CHKA: variants seen among roughly 807,000 people sequenced by gnomAD.
The protein encoded by CHKA is CHETK-alpha.
CHKA carries 34 observed loss-of-function variants against 60.1 expected under a neutral mutation model. The observed-to-expected ratio is 0.57, with a 90% CI of 0.43 to 0.75. The LOEUF is 0.75. Ranked by LOEUF, CHKA falls within the 30% of genes least tolerant of loss-of-function variation. The probability of loss-of-function intolerance (pLI) is 0.00; values close to 1 mark genes in which losing one functional copy is unlikely to be tolerated. For synonymous variants in CHKA, 217 were observed against 223.1 expected, an observed-to-expected ratio of 0.97 and a Z score of 0.24; for missense variants, 563 against 561.3, an observed-to-expected ratio of 1.00 and a Z score of -0.03.
chr11:68,065,273 T>C (rs1307271438), intron 9 of CHKA, among the ~76,000 whole-genome samples: 4 of 152,214 alleles, frequency 2.6e-5, no homozygotes, highest in African/African-American at 9.6e-5. Context: ...ACAAAGCTCT[T>C]CTCTGAATAC....
chr11:68,099,963 T>C (rs1857648631), intron 1 of CHKA, among the ~76,000 whole-genome samples: 2 of 152,222 alleles, frequency 1.3e-5, no homozygotes, highest in South Asian at 2.1e-4. Context: ...TATTGTTCAA[T>C]AGGTTTTAGT....
At chr11:68,105,514 C>CAAA (rs1170085830) in intron 1 of CHKA, among the ~76,000 whole-genome samples, 30 of 64,938 alleles carry the variant, frequency 4.6e-4, no homozygotes, top group Non-Finnish European at 5.3e-4. Context: ...GACTCCATCT[C>CAAA]AAAAAAAAAA....
intron 1 of CHKA, 84 bp downstream of exon 1, chr11:68,120,744 C>T (rs1858603221): frequency 3.0e-6 from 1 of 336,800 alleles, no homozygotes; most frequent in African/African-American, 2.2e-5. Context: ...ACCCCCCCGG[C>T]CCACGCCCCC....
intron 1 of CHKA, among the ~76,000 whole-genome samples, chr11:68,106,644 C>T (rs1857925732): frequency 6.6e-6 from 1 of 152,042 alleles, no homozygotes; most frequent in African/African-American, 2.4e-5. Context: ...AGTCTGTTTT[C>T]ACACCATAAA....
intron 4 of CHKA, among the ~76,000 whole-genome samples, chr11:68,074,385 T>G (rs1856717708): frequency 6.6e-6 from 1 of 152,086 alleles, no homozygotes; most frequent in Non-Finnish European, 1.5e-5. Flanking sequence ...GGCCAAGGTG[T>G]TCTAGCAGCA....
rs188699496 is a variant in CHKA at position 68,108,598 on chromosome 11, G to C, written c.351-11468C>G. 2.4e-3 allele frequency among the ~76,000 whole-genome samples: 360 copies of C among 152,230 alleles called. 3 individuals are homozygous for C. Among genetic ancestry groups the C allele is most frequent in the Non-Finnish European group, 3.8e-3 (256 of 68,012 alleles). ...TCTCTACTAAAAATACAAAAAATTAGCCTGGCGTGGTGGCGGGCGCCTGTA... is the reference window on the plus strand; with the variant it reads ...TCTCTACTAAAAATACAAAAAATTACCCTGGCGTGGTGGCGGGCGCCTGTA... On this transcript the variant is annotated intron_variant, in intron 1 of 11. Coordinates refer to ENST00000265689, the MANE Select transcript of CHKA (RefSeq NM_001277.3).
At chr11:68,118,797 C>T (rs956665223) in intron 1 of CHKA, among the ~76,000 whole-genome samples, 10 of 152,262 alleles carry the variant, frequency 6.6e-5, no homozygotes, top group African/African-American at 2.4e-4. Context: ...AGAAACAAGA[C>T]ATCCTCAATG....
At position 68,065,913 on chromosome 11, in the gene CHKA, C is replaced by A; in HGVS notation, c.1017-19G>T. The stretch of plus-strand genomic sequence containing the variant: ...GAATCCCCTGAAATAAGACATAAGA[C>A]AGTGCACACAATGAGGCAAACCGTA... On this transcript the variant is annotated intron_variant, in intron 8 of 11. Coordinates refer to ENST00000265689, the MANE Select transcript of CHKA (RefSeq NM_001277.3). 6.5e-7 allele frequency: 1 copy of A among 1,548,180 alleles called. No individual in the cohort carries two copies. Among genetic ancestry groups the A allele is most frequent in the Non-Finnish European group, 8.9e-7 (1 of 1,124,628 alleles).
Position 68,070,253 on chromosome 11 carries a change from A to T in CHKA, c.805T>A (p.Ser269Thr). 6.2e-7 allele frequency: 1 copy of T among 1,614,044 alleles called. No homozygotes were observed. The highest frequency in any genetic ancestry group is 1.1e-5 in the South Asian group (1 of 91,076). The change falls in exon 6 of 12, where the codon TCC becomes ACC. Residue 269 changes from serine to threonine, a missense_variant. Coordinates refer to ENST00000265689, the MANE Select transcript of CHKA (RefSeq NM_001277.3). ...AATTTGTGGAGCTTTTTAATTCTGG[A>T]TTCCTCAGTAAATTTAATTCTCAGC... The part of the protein sequence containing the change: ...EVLRIKFTEE[S>T]RIKKLHKLLS...
At chr11:68,079,302 G>A (rs1435780386) in intron 3 of CHKA, among the ~76,000 whole-genome samples, 1 of 151,626 alleles carries the variant, frequency 6.6e-6, no homozygotes, top group East Asian at 2.0e-4. Context: ...AGGGAAGCTG[G>A]GTGAGGGGTG....
chr11:68,091,581 G>T (rs1489850551), intron 2 of CHKA, among the ~76,000 whole-genome samples: 1 of 152,310 alleles, frequency 6.6e-6, no homozygotes, highest in East Asian at 1.9e-4. Flanking sequence ...AGAAATAGGG[G>T]CTAGAAGAGA....
At chr11:68,102,156 A>G (rs1857752447) in intron 1 of CHKA, among the ~76,000 whole-genome samples, 1 of 152,108 alleles carries the variant, frequency 6.6e-6, no homozygotes, top group Non-Finnish European at 1.5e-5. Context: ...TATACATTCA[A>G]TGCAATCCCT....
At position 68,066,457 on chromosome 11, in the gene CHKA, C is replaced by T; in HGVS notation, c.988G>A (p.Asp330Asn). The T allele has an allele frequency of 3.1e-6, 5 of 1,614,040 alleles. No homozygotes were observed. Among genetic ancestry groups the T allele is most frequent in the Non-Finnish European group, 4.2e-6 (5 of 1,179,878 alleles). Reference sequence around the variant, plus strand: ...TAATTGTAACTGCTGTATTCGAAATCAATGAGCATCAGTTTCTGTTTTTCA... The same window carrying T: ...TAATTGTAACTGCTGTATTCGAAATTAATGAGCATCAGTTTCTGTTTTTCA... ...NSEKQKLMLI[D>N]FEYSSYNYRG... Residue 330 changes from aspartate to asparagine, a missense_variant, in exon 8 of 12, where the codon GAT becomes AAT. By Grantham distance (23) the Asp-to-Asn change is conservative (BLOSUM62 1). Coordinates refer to ENST00000265689, the MANE Select transcript of CHKA (RefSeq NM_001277.3).
At position 68,081,423 on chromosome 11, in the gene CHKA, T is replaced by G. The variant is rs757981746; in HGVS notation, c.497A>C (p.Gln166Pro). ...SCNKEGSEQA[Q>P]KENEFQGAEA... Reference sequence around the variant, plus strand: ...ACTTACTTGAAATTCATTTTCTTTCTGAGCTTGTTCGGATCCCTCTTTATT... The same window carrying G: ...ACTTACTTGAAATTCATTTTCTTTCGGAGCTTGTTCGGATCCCTCTTTATT... The change falls in exon 3 of 12, where the codon CAG becomes CCG. Residue 166 changes from glutamine (Q) to proline (P), a missense_variant. Gln to Pro is a moderately conservative substitution (Grantham distance 76). Transcript: ENST00000265689. 9 of 1,613,618 alleles carry G rather than the reference T, an allele frequency of 5.6e-6. No homozygotes were observed. The South Asian group carries it at 8.8e-5, about 16-fold the overall frequency.
intron 4 of CHKA, among the ~76,000 whole-genome samples, chr11:68,071,518 C>T (rs1856618530): frequency 6.6e-6 from 1 of 152,248 alleles, no homozygotes; most frequent in African/African-American, 2.4e-5. Flanking sequence ...TTACAGGAGG[C>T]CCATGGGAGC....
chr11:68,092,782 C>T (rs1857389367), intron 2 of CHKA, among the ~76,000 whole-genome samples: 1 of 152,168 alleles, frequency 6.6e-6, no homozygotes, highest in Non-Finnish European at 1.5e-5. Flanking sequence ...AGACTCTAGG[C>T]TTCATGGTTT....
At chr11:68,100,376 G>A (rs1006143839) in intron 1 of CHKA, among the ~76,000 whole-genome samples, 2 of 152,072 alleles carry the variant, frequency 1.3e-5, no homozygotes, top group Non-Finnish European at 2.9e-5. Context: ...GATCACTTGA[G>A]GTCAGGAGTT....
At chr11:68,103,241 A>G (rs1471970144) in intron 1 of CHKA, among the ~76,000 whole-genome samples, 1 of 152,008 alleles carries the variant, frequency 6.6e-6, no homozygotes, top group African/African-American at 2.4e-5. Context: ...TGCAGTCCCA[A>G]CTACTCGGGA....
intron 1 of CHKA, among the ~76,000 whole-genome samples, chr11:68,098,018 T>G (rs539473494): frequency 4.6e-5 from 7 of 152,216 alleles, no homozygotes; most frequent in African/African-American, 1.7e-4. Flanking sequence ...ATGCCTGTAA[T>G]CCCAGCACTT....
Sources: gnomAD v4.1 joint callset for allele counts (sites outside exome capture counted in the v4.1 genomes callset) on GRCh38, gnomAD v4.1.1 for gene constraint, MANE v1.5 for transcripts, NCBI Gene and HGNC (gene_info 2026-07-23, HGNC 2026-07-21) for gene names.